The following GLIS3 variants were observed in gnomAD, a reference collection of about 807,000 sequenced individuals.
The protein encoded by GLIS3 is zinc finger protein GLIS3.
A neutral mutation model predicts 78.6 loss-of-function variants in GLIS3; 53 were observed. That is an observed-to-expected ratio of 0.67 (90% CI 0.54 to 0.85). GLIS3 has a LOEUF of 0.85. GLIS3 is among the 40% of genes least tolerant of loss of function. The probability of loss-of-function intolerance (pLI) is 0.00; values close to 1 mark genes in which losing one functional copy is unlikely to be tolerated. For missense variants in GLIS3, 1,703 were observed against 1,231.1 expected (o/e 1.38, Z -5.74); for synonymous variants, 684 against 509.9 (o/e 1.34, Z -4.60).
At chr9:4,311,035 G>T (rs10974449) in intron 2 of GLIS3, among the ~76,000 whole-genome samples, 1 of 151,998 alleles carries the variant, frequency 6.6e-6, no homozygotes, top group Admixed American at 6.5e-5. Flanking sequence ...CTAAGGATGG[G>T]GACTTTATAG....
intron 1 of GLIS3, among the ~76,000 whole-genome samples, chr9:4,299,044 CTGTAACGTGCCCTGATTG>C (rs759888719): frequency 9.2e-5 from 14 of 152,190 alleles, no homozygotes; most frequent in Non-Finnish European, 1.6e-4. Context: ...CCCGTGCGTC[CTGTAACGTGCCCTGATTG>C]TGTACCCCTC....
chr9:3,901,788 G>A lies in GLIS3; in HGVS notation c.1984-2953C>T, dbSNP rs60714011. Among the ~76,000 whole-genome samples the A allele has an allele frequency of 3.8e-3, 583 of 152,248 alleles. 2 individuals are homozygous for A. Among genetic ancestry groups the A allele is most frequent in the African/African-American group, 0.013 (559 of 41,538 alleles). ...TCTCTGACCAGGACTCTCTGTATTAGTGCCTAACTAACTCTTTCAGGACCT... is the reference window on the plus strand; with the variant it reads ...TCTCTGACCAGGACTCTCTGTATTAATGCCTAACTAACTCTTTCAGGACCT... On this transcript the variant is annotated intron_variant, in intron 6 of 10. Transcript: ENST00000381971.
chr9:4,118,164 G>A lies in GLIS3; in HGVS notation c.1314C>T (p.Gly438=). 8.9e-6 allele frequency: 14 copies of A among 1,565,588 alleles called. No homozygotes were observed. The highest frequency in any genetic ancestry group is 1.2e-5 in the Non-Finnish European group (14 of 1,155,402). Residue 438 remains glycine (G), a synonymous_variant, in exon 4 of 11, where the codon GGC becomes GGT. Coordinates refer to ENST00000381971, the MANE Select transcript of GLIS3 (RefSeq NM_001042413.2). This position sits in a 1 kb window ranked among gnomAD's most constrained non-coding sequence, Gnocchi z 4.7. ...GCGCGGGGGGTAGGTCTACGGTGCT[G>A]CCCGGGAACTCCTCCAGGCGTTCGG... ...FKTERLEEFP[G]STVDLPPAPP...
chr9:3,927,857 T>C (rs542292839), intron 6 of GLIS3, among the ~76,000 whole-genome samples: 7 of 152,386 alleles, frequency 4.6e-5, no homozygotes, highest in African/African-American at 1.2e-4. Flanking sequence ...ATCACTGCTA[T>C]TGGCACAGGG....
chr9:3,937,002 A>G, intron 5 of GLIS3, 26 bp downstream of exon 5: 1 of 1,612,046 alleles, frequency 6.2e-7, no homozygotes, highest in Non-Finnish European at 8.5e-7. Flanking sequence ...CTGGGTTGGA[A>G]ACTGGAAAGC....
intron 4 of GLIS3, among the ~76,000 whole-genome samples, chr9:4,104,647 T>C (rs1830620335): frequency 6.6e-6 from 1 of 152,162 alleles, no homozygotes; most frequent in African/African-American, 2.4e-5. Flanking sequence ...CATCACAGTC[T>C]CTTCTCTTCT....
chr9:4,052,082 A>G (rs1289151014), intron 4 of GLIS3, among the ~76,000 whole-genome samples: 3 of 152,184 alleles, frequency 2.0e-5, no homozygotes, highest in African/African-American at 4.8e-5. Context: ...CAATGGAGAG[A>G]TGTGCACACC....
chr9:4,321,972 G>A (rs763516225), intron 2 of GLIS3, among the ~76,000 whole-genome samples: 368 of 152,162 alleles, frequency 2.4e-3, no homozygotes, highest in Non-Finnish European at 2.4e-3. Flanking sequence ...TTGGTGAGCT[G>A]CACCCATTAA....
intron 7 of GLIS3, among the ~76,000 whole-genome samples, chr9:3,896,234 T>A (rs367920103): frequency 3.9e-5 from 6 of 152,228 alleles, no homozygotes; most frequent in African/African-American, 1.4e-4. Flanking sequence ...AGGCTTAAAT[T>A]TTTGTTTTGT....
At chr9:4,054,403 C>A in intron 4 of GLIS3, 1 of 985,416 alleles carries the variant, frequency 1.0e-6, no homozygotes, top group Non-Finnish European at 1.2e-6. Flanking sequence ...GAGGAACCAT[C>A]TGAATTTAAC....
At chr9:3,999,778 A>T (rs1588425556) in intron 4 of GLIS3, among the ~76,000 whole-genome samples, 1 of 152,180 alleles carries the variant, frequency 6.6e-6, no homozygotes, top group African/African-American at 2.4e-5. Context: ...TGAAATGAAT[A>T]TGGAAGAATT....
chr9:4,373,122 A>G, the GLIS3 span, among the ~76,000 whole-genome samples: 14 of 152,236 alleles, frequency 9.2e-5, no homozygotes, highest in Non-Finnish European at 1.8e-4. Context: ...CAAGCACAGA[A>G]AAATACGGGC....
intron 1 of GLIS3, among the ~76,000 whole-genome samples, chr9:4,287,595 C>G (rs542181671): frequency 2.0e-5 from 3 of 152,286 alleles, no homozygotes; most frequent in African/African-American, 7.2e-5. Context: ...CAAAGTTCAA[C>G]AAACACAGGA....
intron 2 of GLIS3, among the ~76,000 whole-genome samples, chr9:4,225,007 A>G (rs941635534): frequency 6.6e-6 from 1 of 151,500 alleles, no homozygotes; most frequent in Admixed American, 6.6e-5. Context: ...TCTTCCTACT[A>G]TTTTTCTGGT....
chr9:4,258,575 G>A (rs541875738), intron 2 of GLIS3, among the ~76,000 whole-genome samples: 7 of 152,272 alleles, frequency 4.6e-5, no homozygotes, highest in African/African-American at 1.4e-4. Flanking sequence ...TTCATAATGG[G>A]TAAAGAATTC....
At chr9:4,324,462 G>A (rs1464667013) in intron 2 of GLIS3, among the ~76,000 whole-genome samples, 1 of 152,174 alleles carries the variant, frequency 6.6e-6, no homozygotes, top group Non-Finnish European at 1.5e-5. Context: ...AACCATATGA[G>A]ATAAAACAGG....
the GLIS3 span, among the ~76,000 whole-genome samples, chr9:4,432,850 A>G: frequency 6.6e-6 from 1 of 151,928 alleles, no homozygotes; most frequent in African/African-American, 2.4e-5. Context: ...CACGTTGCCC[A>G]GTCTGGTCTC....
intron 2 of GLIS3, among the ~76,000 whole-genome samples, chr9:4,190,672 G>A (rs201216892): frequency 1.2e-4 from 18 of 152,136 alleles, no homozygotes; most frequent in African/African-American, 3.4e-4. Context: ...GATTCAGGAA[G>A]TACAGAGAAT....
At chr9:3,908,292 CTT>C (rs1823858125) in intron 6 of GLIS3, among the ~76,000 whole-genome samples, 1 of 152,132 alleles carries the variant, frequency 6.6e-6, no homozygotes, top group South Asian at 2.1e-4. Flanking sequence ...GTCAAAAAGA[CTT>C]TTTGTACATT....
Sources: allele counts gnomAD v4.1 joint callset (sites outside exome capture counted in the v4.1 genomes callset), GRCh38; gene constraint gnomAD v4.1.1; non-coding constraint Gnocchi (gnomAD v3.1); transcripts MANE v1.5; gene names NCBI Gene and HGNC (gene_info 2026-07-23, HGNC 2026-07-21).